RNF168: variants seen among roughly 807,000 people sequenced by gnomAD.
RNF168 encodes the protein ring finger protein 168, also known as E3 ubiquitin-protein ligase RNF168.
Under a neutral mutation model 34.9 loss-of-function variants are expected in RNF168, and 34 were observed. The ratio of observed to expected loss-of-function variants is 0.97; its 90% CI spans 0.74 to 1.30. The LOEUF is 1.30. Ranked by LOEUF, RNF168 falls within the 50% of genes most tolerant of loss-of-function variation. RNF168 has a pLI of 0.00. For synonymous variants in RNF168, 264 were observed against 254.7 expected (o/e 1.04, Z -0.35); for missense variants, 725 against 682.5 (o/e 1.06, Z -0.69).
intron 1 of RNF168, among the ~76,000 whole-genome samples, chr3:196,499,647 C>A (rs537461059): frequency 6.6e-6 from 1 of 152,000 alleles, no homozygotes; most frequent in African/African-American, 2.4e-5. Flanking sequence ...ACAGCAAAAC[C>A]CCATCTCTAC....
At position 196,472,160 on chromosome 3, in the gene RNF168, T is replaced by C; in HGVS notation, c.1375A>G (p.Lys459Glu). 1 of 1,614,180 alleles carries C rather than the reference T, an allele frequency of 6.2e-7. No individual in the cohort carries two copies. The highest frequency in any genetic ancestry group is 8.5e-7 in the Non-Finnish European group (1 of 1,180,008). ...LALQLQKEVDKEQMVPNRQKG... is the reference protein window; with the variant it reads ...LALQLQKEVDEEQMVPNRQKG... ...TGCCGGTTTGGCACCATTTGCTCTT[T>C]ATCCACCTCCTTCTGAAGTTGTAAT... is the stretch of plus-strand genomic sequence containing the variant. The change falls in exon 6 of 6, where the codon AAA becomes GAA. Residue 459 changes from lysine to glutamate, a missense_variant. Physicochemically the swap from Lys to Glu is moderately conservative, Grantham distance 56. Coordinates refer to ENST00000318037, the MANE Select transcript of RNF168 (RefSeq NM_152617.4).
At chr3:196,480,793 TCA>T (rs1049399413) in intron 4 of RNF168, among the ~76,000 whole-genome samples, 1 of 151,982 alleles carries the variant, frequency 6.6e-6, no homozygotes, top group Non-Finnish European at 1.5e-5. Flanking sequence ...CAGGTGTGCA[TCA>T]TCATGCCTGG....
At chr3:196,495,677 G>A (rs953259564) in intron 1 of RNF168, among the ~76,000 whole-genome samples, 2 of 152,150 alleles carry the variant, frequency 1.3e-5, no homozygotes, top group African/African-American at 4.8e-5. Flanking sequence ...CAGGCTTCTC[G>A]ACTGTATCCT....
intron 1 of RNF168, among the ~76,000 whole-genome samples, chr3:196,500,615 A>G (rs940385482): frequency 1.3e-5 from 2 of 152,226 alleles, no homozygotes; most frequent in Non-Finnish European, 2.9e-5. Context: ...AGGCGATGCC[A>G]CTGAACCATA....
intron 4 of RNF168, among the ~76,000 whole-genome samples, chr3:196,480,708 T>G (rs187867100): frequency 6.6e-6 from 1 of 152,306 alleles, no homozygotes; most frequent in Admixed American, 6.5e-5. Context: ...AGTGGTAAAA[T>G]CACAGCTCAC....
chr3:196,470,670 G>C lies in RNF168; in HGVS notation c.*1149C>G, dbSNP rs552628229. On this transcript the variant is annotated 3_prime_UTR_variant, in exon 6 of 6. Transcript: ENST00000318037. ...TTCTGACGACCTAATCAGTTTCAAT[G>C]ATCCAGACTGTCAGTCACCCCATCC... 2.6e-5 allele frequency: 4 copies of C among 152,406 alleles called. No homozygotes were observed. The highest frequency in any genetic ancestry group is 1.3e-4 in the Admixed American group (2 of 15,142). 9.4% of individuals were successfully genotyped at this position (152,406 alleles called of 1,614,324 possible).
At chr3:196,494,130 G>A (rs75907722) in intron 1 of RNF168, among the ~76,000 whole-genome samples, 2,446 of 152,160 alleles carry the variant, frequency 0.016, 40 homozygotes, top group Non-Finnish European at 0.026. Flanking sequence ...TTACAGGTGT[G>A]AGCCCCCGCA....
At chr3:196,485,043 G>A (rs907338071) in intron 3 of RNF168, among the ~76,000 whole-genome samples, 23 of 152,058 alleles carry the variant, frequency 1.5e-4, no homozygotes, top group Non-Finnish European at 2.5e-4. Context: ...CAAAAGAATA[G>A]TTTTATGTAA....
At chr3:196,502,054 G>GAAAAAAAAA (rs554041803) in intron 1 of RNF168, among the ~76,000 whole-genome samples, 68 of 50,056 alleles carry the variant, frequency 1.4e-3, no homozygotes, top group Non-Finnish European at 1.8e-3. Flanking sequence ...AAAAAAATTA[G>GAAAAAAAAA]AAAAAAAAAA....
At chr3:196,484,156 G>A (rs774669677) in intron 3 of RNF168, among the ~76,000 whole-genome samples, 1 of 122,858 alleles carries the variant, frequency 8.1e-6, no homozygotes, top group Non-Finnish European at 1.7e-5. Flanking sequence ...GATAATTCCT[G>A]TTGATCTTTC....
chr3:196,487,527 C>A lies in RNF168; in HGVS notation c.430G>T (p.Glu144Ter). The change falls in exon 3 of 6, where the codon GAA becomes TAA. Residue 144 changes from glutamate to a stop codon, truncating the protein, a stop_gained. Transcript: ENST00000318037. LOFTEE classifies it high-confidence loss of function. ...SEEEENKASEEYIQRLLAEEE... is the reference protein window; with the variant it reads ...SEEEENKASE ...TCTGCCAACAACCTCTGTATGTATT[C>A]TTCACTGGCTTTGTTTTCTTCTTCC... 6.2e-7 allele frequency: 1 copy of A among 1,614,182 alleles called. No homozygotes were observed. The highest frequency in any genetic ancestry group is 8.5e-7 in the Non-Finnish European group (1 of 1,180,022).
intron 2 of RNF168, 54 bp from the exon 3 acceptor site, chr3:196,487,632 C>T: frequency 2.0e-6 from 3 of 1,491,014 alleles, no homozygotes; most frequent in Non-Finnish European, 2.8e-6. Context: ...GGTATACTTG[C>T]AATATTTCAT....
Position 196,502,054 on chromosome 3 carries a change from G to GAA in RNF168, c.301+817_301+818dup, listed in dbSNP as rs554041803. ...ATATAACTGTGACCAAAAAAAATTAGAAAAAAAAAAAAAAAAAAAAAAAAA... is the reference window on the plus strand; with the variant it reads ...ATATAACTGTGACCAAAAAAAATTAGAAAAAAAAAAAAAAAAAAAAAAAAAAA... On this transcript the variant is annotated intron_variant, in intron 1 of 5. Transcript: ENST00000318037. Among the ~76,000 whole-genome samples, 253 of 50,048 alleles carry GAA rather than the reference G, an allele frequency of 5.1e-3. 13 individuals are homozygous for GAA. Among genetic ancestry groups the GAA allele is most frequent in the Admixed American group, 6.1e-3 (23 of 3,780 alleles). The allele number at this position is 50,048 out of a possible 152,430, so 32.8% of individuals were successfully genotyped here.
Position 196,472,605 on chromosome 3 carries a change from A to G in RNF168, c.930T>C (p.His310=), listed in dbSNP as rs758844247. The change falls in exon 6 of 6, where the codon CAT becomes CAC. Residue 310 remains histidine (H), a synonymous_variant. Coordinates refer to ENST00000318037, the MANE Select transcript of RNF168 (RefSeq NM_152617.4). ...WLCACGAEWY[H]EGNVKTRPSN... ...TTGGTCTTGTTTTGACGTTTCCTTCATGGTACCATTCGGCACCACAGGCAC... is the reference window on the plus strand; with the variant it reads ...TTGGTCTTGTTTTGACGTTTCCTTCGTGGTACCATTCGGCACCACAGGCAC... 2 of 1,614,214 alleles carry G rather than the reference A, an allele frequency of 1.2e-6. No individual in the cohort carries two copies. Among genetic ancestry groups the G allele is most frequent in the Middle Eastern group, 1.6e-4 (1 of 6,062 alleles).
chr3:196,497,174 G>A (rs1176383449), intron 1 of RNF168, among the ~76,000 whole-genome samples: 1 of 151,934 alleles, frequency 6.6e-6, no homozygotes, highest in Non-Finnish European at 1.5e-5. Context: ...TTACTCTAAA[G>A]TCACAGTAAT....
At chr3:196,492,806 T>TAAATAAATA (rs1732628601) in intron 1 of RNF168, among the ~76,000 whole-genome samples, 1 of 151,022 alleles carries the variant, frequency 6.6e-6, no homozygotes, top group African/African-American at 2.4e-5. Flanking sequence ...ATAAATAAAA[T>TAAATAAATA]AAATAAATAG....
intron 3 of RNF168, among the ~76,000 whole-genome samples, chr3:196,486,208 A>G (rs1300340649): frequency 6.6e-6 from 1 of 152,238 alleles, no homozygotes; most frequent in Non-Finnish European, 1.5e-5. Flanking sequence ...ATAAAATGGA[A>G]TATTATTCCA....
At position 196,471,733 on chromosome 3, in the gene RNF168, A is replaced by G; in HGVS notation, c.*86T>C. The stretch of plus-strand genomic sequence containing the variant: ...ATGAGTGTGCCTAGAGAGCAGCATG[A>G]ATGACACATGGATGAAGATTCCATG... On this transcript the variant is annotated 3_prime_UTR_variant, in exon 6 of 6. Transcript: ENST00000318037. 1.1e-6 allele frequency: 1 copy of G among 904,764 alleles called. No individual in the cohort carries two copies. Among genetic ancestry groups the G allele is most frequent in the Non-Finnish European group, 1.8e-6 (1 of 540,722 alleles). 56.0% of individuals were successfully genotyped at this position (904,764 alleles called of 1,614,324 possible).
At chr3:196,494,857 T>C (rs1465107093) in intron 1 of RNF168, among the ~76,000 whole-genome samples, 3 of 152,034 alleles carry the variant, frequency 2.0e-5, no homozygotes, top group Non-Finnish European at 4.4e-5. Context: ...ACCCTATCTC[T>C]ACAAAAAATA....
Sources: allele counts gnomAD v4.1 joint callset (sites outside exome capture counted in the v4.1 genomes callset), GRCh38; gene constraint gnomAD v4.1.1; transcripts MANE v1.5; gene names NCBI Gene and HGNC (gene_info 2026-07-23, HGNC 2026-07-21).